Variants in RASD2 observed in about 807,000 individuals in gnomAD.
The protein encoded by RASD2 is GTP-binding protein Rhes.
RASD2 carries 7 observed loss-of-function variants against 15.8 expected under a neutral mutation model. That is an observed-to-expected ratio of 0.44 (90% CI 0.25 to 0.83). The LOEUF is 0.83. Among genes scored for constraint, RASD2 ranks in the 40% least tolerant of loss-of-function variants. The pLI, the probability that RASD2 is intolerant of heterozygous loss-of-function variation, is 0.20. For synonymous variants in RASD2, 155 were observed against 153.6 expected, an observed-to-expected ratio of 1.01 and a Z score of -0.07; for missense variants, 274 against 382.8, an observed-to-expected ratio of 0.72 and a Z score of 2.37.
chr22:35,544,038 C>T (rs892257818), intron 1 of RASD2, among the ~76,000 whole-genome samples: 2 of 152,104 alleles, frequency 1.3e-5, no homozygotes, highest in African/African-American at 2.4e-5. Context: ...GCGTCTTTGA[C>T]TCCCTGCCTC....
chr22:35,536,130 A>G (rs961547181), upstream of RASD2, among the ~76,000 whole-genome samples: 1 of 152,316 alleles, frequency 6.6e-6, no homozygotes, highest in South Asian at 2.1e-4. Context: ...CACCTGACCC[A>G]GTGCCCCAGT....
upstream of RASD2, among the ~76,000 whole-genome samples, chr22:35,540,500 T>TGGCGCTGGGCGGCGGGA (rs1159922320): frequency 6.7e-6 from 1 of 150,252 alleles, no homozygotes; most frequent in African/African-American, 2.4e-5. Context: ...GGGCAGACGC[T>TGGCGCTGGGCGGCGGGA]GGCGCTGGGC....
rs956575421 is a variant in RASD2, at chr22:35,543,248, C to T, written c.-10+1748C>T. Among the ~76,000 whole-genome samples, 9 of 152,184 alleles carry T rather than the reference C, an allele frequency of 5.9e-5. No homozygotes were observed. The East Asian group carries it at 1.7e-3, about 29-fold the overall frequency. On this transcript the variant is annotated intron_variant, in intron 1 of 2. Transcript: ENST00000216127. ...TGGGAACTTTCTGGCTTCCACCTGTCCTCAGAATGGCCCTGTGATGGGGTC... is the reference window on the plus strand; with the variant it reads ...TGGGAACTTTCTGGCTTCCACCTGTTCTCAGAATGGCCCTGTGATGGGGTC...
upstream of RASD2, among the ~76,000 whole-genome samples, chr22:35,538,377 G>A (rs376726729): frequency 6.6e-6 from 1 of 152,110 alleles, no homozygotes; most frequent in East Asian, 1.9e-4. Context: ...GGGAGAGAGA[G>A]GGTGACAGGG....
intron 2 of RASD2, among the ~76,000 whole-genome samples, chr22:35,548,475 C>G (rs962906606): frequency 2.6e-5 from 4 of 152,206 alleles, no homozygotes; most frequent in Non-Finnish European, 5.9e-5. Context: ...AGTCACGCCC[C>G]TGAAGTTGCT....
the RASD2 span, among the ~76,000 whole-genome samples, chr22:35,533,824 T>C: frequency 5.9e-3 from 875 of 147,222 alleles, 4 homozygotes; most frequent in Admixed American, 0.012. Context: ...ATGATGGTGA[T>C]GATGATGATG....
intron 1 of RASD2, among the ~76,000 whole-genome samples, chr22:35,542,086 C>A (rs1205879772): frequency 6.6e-6 from 1 of 152,142 alleles, no homozygotes; most frequent in Non-Finnish European, 1.5e-5. Context: ...CCTCTCTGTG[C>A]CCTCCCCTCC....
chr22:35,536,411 C>T (rs1315431387), upstream of RASD2, among the ~76,000 whole-genome samples: 1 of 151,944 alleles, frequency 6.6e-6, no homozygotes, highest in Non-Finnish European at 1.5e-5. Context: ...CTGCAAGCTC[C>T]GCCTCCAGGG....
In RASD2 at chr22:35,553,574, G is replaced by A. The variant is rs17722036; in HGVS notation, c.*1542G>A. The A allele has an allele frequency of 0.036, 5,422 of 152,190 alleles. 137 individuals carry two copies. Among genetic ancestry groups the A allele is most frequent in the Non-Finnish European group, 0.048 (3,281 of 67,992 alleles). 9.4% of individuals were successfully genotyped at this position (152,190 alleles called of 1,614,324 possible). On this transcript the variant is annotated 3_prime_UTR_variant, in exon 3 of 3. Transcript: ENST00000216127. ...CTGTGGGTGGCAGAAGCAAGCTAGC[G>A]CTGGGCATTCAGTACATACCACGAT...
rs368726575 is a variant in RASD2, at chr22:35,544,559, T to A, written c.-9-2242T>A. ...ATTTGATGAATGCACAGACCCTTTATTGAGCCCCTGCTCTGTTCATGGCAT... is the reference window on the plus strand; with the variant it reads ...ATTTGATGAATGCACAGACCCTTTAATGAGCCCCTGCTCTGTTCATGGCAT... On this transcript the variant is annotated intron_variant, in intron 1 of 2. Transcript: ENST00000216127. Among the ~76,000 whole-genome samples, 437 of 152,352 alleles carry A rather than the reference T, an allele frequency of 2.9e-3. 3 individuals carry two copies. The highest frequency in any genetic ancestry group is 0.01 in the African/African-American group (428 of 41,584).
In RASD2 at chr22:35,545,024, G is replaced by A. The variant is rs926003348; in HGVS notation, c.-9-1777G>A. ...CCTTGTGGCTCCAGGCCTGGGGTCCGCCGTGTGCTGAGCTGGCTTATTGTG... is the reference window on the plus strand; with the variant it reads ...CCTTGTGGCTCCAGGCCTGGGGTCCACCGTGTGCTGAGCTGGCTTATTGTG... On this transcript the variant is annotated intron_variant, in intron 1 of 2. Coordinates refer to ENST00000216127, the MANE Select transcript of RASD2 (RefSeq NM_014310.4). Among the ~76,000 whole-genome samples the A allele has an allele frequency of 2.6e-5, 4 of 152,186 alleles. 1 individual carries two copies. The South Asian group carries it at 6.2e-4, about 24-fold the overall frequency.
In RASD2 at chr22:35,551,681, G is replaced by A. The variant is rs1934669082; in HGVS notation, c.450G>A (p.Gln150=). Residue 150 remains glutamine (Q), a synonymous_variant, in exon 3 of 3, where the codon CAG becomes CAA. Coordinates refer to ENST00000216127, the MANE Select transcript of RASD2 (RefSeq NM_014310.4). The surrounding 1 kb of genome is among the most constrained non-coding windows in gnomAD (Gnocchi z 4.9). ...ACGACCACGGCGAGCTGTGCCGCCA[G>A]GTGCCCACCACCGAGGCCGAGCTGC... ...NKNDHGELCR[Q]VPTTEAELLV... 4 of 1,613,750 alleles carry A rather than the reference G, an allele frequency of 2.5e-6. No homozygotes were observed. Among genetic ancestry groups the A allele is most frequent in the South Asian group, 1.1e-5 (1 of 91,074 alleles).
chr22:35,543,187 C>T (rs1395058204), intron 1 of RASD2, among the ~76,000 whole-genome samples: 8 of 152,142 alleles, frequency 5.3e-5, no homozygotes, highest in Non-Finnish European at 1.0e-4. Context: ...GCTGTGGTTA[C>T]TGTGCCCCCA....
At chr22:35,536,924 T>C (rs903444756), upstream of RASD2, among the ~76,000 whole-genome samples, 2 of 152,190 alleles carry the variant, frequency 1.3e-5, no homozygotes, top group African/African-American at 4.8e-5. Context: ...TTAGGGGAGC[T>C]TTAAACCGTA....
intron 1 of RASD2, among the ~76,000 whole-genome samples, chr22:35,545,187 C>G (rs1017242301): frequency 6.6e-6 from 1 of 152,172 alleles, no homozygotes; most frequent in East Asian, 1.9e-4. Flanking sequence ...TGCACAGAGG[C>G]TGGTAGTTGG....
In RASD2 at chr22:35,551,699, C is replaced by G; in HGVS notation, c.468C>G (p.Ala156=). 3.1e-6 allele frequency: 5 copies of G among 1,613,826 alleles called. No homozygotes were observed. The highest frequency in any genetic ancestry group is 4.2e-6 in the Non-Finnish European group (5 of 1,179,780). ...ELCRQVPTTE[A]ELLVSGDENC... ...GCCGCCAGGTGCCCACCACCGAGGC[C>G]GAGCTGCTGGTGTCGGGCGACGAGA... Residue 156 remains alanine, a synonymous_variant, in exon 3 of 3, where the codon GCC becomes GCG. Coordinates refer to ENST00000216127, the MANE Select transcript of RASD2 (RefSeq NM_014310.4). This position sits in a 1 kb window ranked among gnomAD's most constrained non-coding sequence, Gnocchi z 4.9.
At chr22:35,550,956 C>G (rs1232702116) in intron 2 of RASD2, among the ~76,000 whole-genome samples, 1 of 152,240 alleles carries the variant, frequency 6.6e-6, no homozygotes, top group Non-Finnish European at 1.5e-5. Context: ...GCATGTGCCA[C>G]TGTCCATTCA....
At position 35,543,425 on chromosome 22, in the gene RASD2, T is replaced by A. The variant is rs1296160772; in HGVS notation, c.-10+1925T>A. Reference sequence around the variant, plus strand: ...GACTTCCTGAAATCCATTCAGTCACTGATATTGGACTCTAAATTCCCAAAG... The same window carrying A: ...GACTTCCTGAAATCCATTCAGTCACAGATATTGGACTCTAAATTCCCAAAG... On this transcript the variant is annotated intron_variant, in intron 1 of 2. Transcript: ENST00000216127. Among the ~76,000 whole-genome samples, 3 of 150,952 alleles carry A rather than the reference T, an allele frequency of 2.0e-5. No homozygotes were observed. The East Asian group carries it at 6.1e-4, about 30-fold the overall frequency.
chr22:35,542,922 A>G (rs1453825962), intron 1 of RASD2, among the ~76,000 whole-genome samples: 2 of 152,092 alleles, frequency 1.3e-5, no homozygotes, highest in African/African-American at 2.4e-5. Flanking sequence ...AGGGAGTGAG[A>G]ATATAGTATG....
Sources: allele counts gnomAD v4.1 joint callset (sites outside exome capture counted in the v4.1 genomes callset), GRCh38; gene constraint gnomAD v4.1.1; non-coding constraint Gnocchi (gnomAD v3.1); transcripts MANE v1.5; gene names NCBI Gene and HGNC (gene_info 2026-07-23, HGNC 2026-07-21).